BTG3: variants seen among roughly 807,000 people sequenced by gnomAD.
BTG3 encodes BTG anti-proliferation factor 3.
A neutral mutation model predicts 25.8 loss-of-function variants in BTG3; 4 were observed. The ratio of observed to expected loss-of-function variants is 0.16; its 90% confidence interval spans 0.08 to 0.36. The LOEUF is 0.36. Among genes scored for constraint, BTG3 ranks in the 10% least tolerant of loss-of-function variants. The probability of loss-of-function intolerance (pLI) is 1.00; values close to 1 mark genes in which losing one functional copy is unlikely to be tolerated. For missense variants in BTG3, 201 were observed against 304.9 expected, an observed-to-expected ratio of 0.66 and a Z score of 2.54; for synonymous variants, 107 against 99.9, an observed-to-expected ratio of 1.07 and a Z score of -0.42.
chr21:17,595,052 T>C (rs2061487662), intron 4 of BTG3, among the ~76,000 whole-genome samples: 1 of 151,850 alleles, frequency 6.6e-6, no homozygotes, highest in Non-Finnish European at 1.5e-5. Flanking sequence ...AGCACTGGTC[T>C]AATGAACAAT....
intron 4 of BTG3, among the ~76,000 whole-genome samples, chr21:17,595,883 A>G (rs188465580): frequency 5.0e-4 from 76 of 152,106 alleles, no homozygotes; most frequent in Non-Finnish European, 8.2e-4. Flanking sequence ...TAGTGGTACT[A>G]TTTTACATGA....
rs1361698215 is a variant in BTG3 at position 17,604,876 on chromosome 21, A to G, written c.295T>C (p.Cys99Arg). 4 of 1,613,830 alleles carry G rather than the reference A, an allele frequency of 2.5e-6. No individual in the cohort carries two copies. Among genetic ancestry groups the G allele is most frequent in the East Asian group, 4.5e-5 (2 of 44,886 alleles). The change falls in exon 3 of 5, where the codon TGT (cysteine) becomes CGT (arginine). Residue 99 changes from cysteine to arginine, a missense_variant. Transcript: ENST00000348354. ...PKELTLWVDP[C>R]EVCCRYGEKN... The stretch of plus-strand genomic sequence containing the variant: ...AGAACTCACCGACAGCACACCTCAC[A>G]TGGGTCCACCCAGAGAGTGAGCTCC...
chr21:17,601,199 G>C (rs1382132307), intron 3 of BTG3, among the ~76,000 whole-genome samples: 1 of 151,932 alleles, frequency 6.6e-6, no homozygotes, highest in Non-Finnish European at 1.5e-5. Context: ...ATGGTAGAAA[G>C]GGCATTAGAC....
chr21:17,605,034 G>A, intron 2 of BTG3, 37 bp from the exon 3 acceptor site: 3 of 1,600,684 alleles, frequency 1.9e-6, no homozygotes, highest in Non-Finnish European at 2.6e-6. Flanking sequence ...GGATTTAAAT[G>A]AATTTAATCA....
At chr21:17,604,056 C>G in intron 3 of BTG3, 1 of 1,125,154 alleles carries the variant, frequency 8.9e-7, no homozygotes, top group Non-Finnish European at 1.1e-6. Context: ...ATACCTAGCA[C>G]TGATCTTTCA....
chr21:17,596,315 T>C (rs1057382265), intron 4 of BTG3, among the ~76,000 whole-genome samples: 8 of 152,066 alleles, frequency 5.3e-5, no homozygotes, highest in Non-Finnish European at 8.8e-5. Flanking sequence ...TCAATTTTTT[T>C]CCCTTATTAG....
intron 4 of BTG3, among the ~76,000 whole-genome samples, chr21:17,597,931 T>C (rs2061524677): frequency 1.3e-5 from 2 of 152,112 alleles, no homozygotes; most frequent in African/African-American, 2.4e-5. Context: ...TAAGTAAAAA[T>C]AGATAACCTT....
intron 2 of BTG3, among the ~76,000 whole-genome samples, chr21:17,607,647 C>A (rs147366859): frequency 2.5e-3 from 379 of 152,310 alleles, no homozygotes; most frequent in African/African-American, 8.5e-3. Context: ...CTTGCAAGAG[C>A]CCAGTGGCAG....
At chr21:17,605,106 A>G in intron 2 of BTG3, 109 bp from the exon 3 acceptor site, 2 of 1,242,722 alleles carry the variant, frequency 1.6e-6, no homozygotes, top group Non-Finnish European at 1.1e-6. Context: ...ATAAAAAAAT[A>G]CCCTGGTAGA....
intron 1 of BTG3, chr21:17,611,562 AAG>A (rs1379900883): frequency 6.6e-6 from 1 of 152,228 alleles, no homozygotes; most frequent in Non-Finnish European, 1.5e-5. Context: ...CAAAAGGTGA[AAG>A]AGGGAGAGTT....
chr21:17,609,118 G>C lies in BTG3; in HGVS notation c.27C>G (p.Val9=). 1 of 1,610,492 alleles carries C rather than the reference G, an allele frequency of 6.2e-7. No homozygotes were observed. The highest frequency in any genetic ancestry group is 8.5e-7 in the Non-Finnish European group (1 of 1,179,180). The change falls in exon 2 of 5, where the codon GTC becomes GTG. Residue 9 remains valine (V), a synonymous_variant. Coordinates refer to ENST00000348354, the MANE Select transcript of BTG3 (RefSeq NM_006806.5). ...TTCGAACTAGCCTTGTGAAAAAGAAGACAACGGCAGCAATTTCATTCTTCA... is the reference window on the plus strand; with the variant it reads ...TTCGAACTAGCCTTGTGAAAAAGAACACAACGGCAGCAATTTCATTCTTCA... MKNEIAAV[V]FFFTRLVRKH... is the part of the protein sequence containing the mutation.
rs537124505 is a variant in BTG3 at position 17,594,355 on chromosome 21, A to G, written c.520-23T>C. On this transcript the variant is annotated intron_variant, in intron 4 of 4. Transcript: ENST00000348354. ...AATCTGTAGGGAAGAGAACACATTA[A>G]GTTAATTCAAAGGAAAAAATCATCA... is the stretch of plus-strand genomic sequence containing the variant. The G allele has an allele frequency of 3.1e-6, 5 of 1,594,356 alleles. No individual in the cohort carries two copies. The African/African-American group carries it at 5.4e-5, about 17-fold the overall frequency.
intron 2 of BTG3, 123 bp from the exon 3 acceptor site, chr21:17,605,120 C>G: frequency 9.0e-7 from 1 of 1,114,212 alleles, no homozygotes; most frequent in East Asian, 2.6e-5. Context: ...TGGTAGAGAA[C>G]CTAGGAGCAT....
At position 17,598,772 on chromosome 21, in the gene BTG3, C is replaced by T. The variant is rs1197511287; in HGVS notation, c.364G>A (p.Glu122Lys). The change falls in exon 4 of 5, where the codon GAG becomes AAG. Residue 122 changes from glutamate to lysine, a missense_variant. Transcript: ENST00000348354. Reference protein sequence around the residue: ...FIVASFENKDENKDEISRKVT... With the variant: ...FIVASFENKDKNKDEISRKVT... ...TTCCTGGAGATCTCATCCTTGTTCT[C>T]ATCTTTATTTTCAAAGCTGGCAACA... 6.2e-7 allele frequency: 1 copy of T among 1,614,126 alleles called. No homozygotes were observed. Among genetic ancestry groups the T allele is most frequent in the Non-Finnish European group, 8.5e-7 (1 of 1,180,018 alleles).
intron 4 of BTG3, among the ~76,000 whole-genome samples, chr21:17,595,561 A>C (rs2061494030): frequency 6.6e-6 from 1 of 151,982 alleles, no homozygotes. Flanking sequence ...ATAATAATAC[A>C]TTTCAGAAAC....
At chr21:17,601,374 A>G (rs1263956677) in intron 3 of BTG3, among the ~76,000 whole-genome samples, 1 of 152,128 alleles carries the variant, frequency 6.6e-6, no homozygotes, top group Non-Finnish European at 1.5e-5. Context: ...ATACCTAAAC[A>G]GAAGCTGGAC....
chr21:17,596,516 G>A (rs924586663), intron 4 of BTG3, among the ~76,000 whole-genome samples: 1 of 151,968 alleles, frequency 6.6e-6, no homozygotes, highest in African/African-American at 2.4e-5. Flanking sequence ...AGATCATCCA[G>A]TTGTTTCAGC....
intron 3 of BTG3, among the ~76,000 whole-genome samples, chr21:17,599,772 G>A (rs889247729): frequency 6.6e-6 from 1 of 152,064 alleles, no homozygotes; most frequent in Non-Finnish European, 1.5e-5. Flanking sequence ...GAGCCATCAC[G>A]CCCAGCCCCA....
intron 3 of BTG3, among the ~76,000 whole-genome samples, chr21:17,601,728 A>G (rs1440362120): frequency 2.0e-5 from 3 of 152,212 alleles, no homozygotes. Context: ...CTAATATAAC[A>G]ATGACTTAGG....
Sources: allele counts gnomAD v4.1 joint callset (sites outside exome capture counted in the v4.1 genomes callset), GRCh38; gene constraint gnomAD v4.1.1; transcripts MANE v1.5; gene names NCBI Gene and HGNC (gene_info 2026-07-23, HGNC 2026-07-21).